The following FAM184B variants were observed in gnomAD, a reference collection of about 807,000 sequenced individuals.
FAM184B encodes the protein family with sequence similarity 184 member B.
FAM184B carries 111 observed loss-of-function variants against 135.9 expected under a neutral mutation model. The ratio of observed to expected loss-of-function variants is 0.82; its 90% CI spans 0.70 to 0.96. The LOEUF (loss-of-function observed/expected upper bound fraction) is 0.96. Among genes scored for constraint, FAM184B ranks in the 40% least tolerant of loss-of-function variants. FAM184B has a pLI of 0.00. For synonymous variants in FAM184B, 552 were observed against 524.8 expected, an observed-to-expected ratio of 1.05 and a Z score of -0.71; for missense variants, 1,375 against 1,323.9, an observed-to-expected ratio of 1.04 and a Z score of -0.60.
At chr4:17,703,470 C>T (rs1216332811) in intron 5 of FAM184B, among the ~76,000 whole-genome samples, 1 of 151,058 alleles carries the variant, frequency 6.6e-6, no homozygotes, top group Non-Finnish European at 1.5e-5. Context: ...TGCACTCCAG[C>T]CTGGGCAAGA....
intron 10 of FAM184B, 77 bp downstream of exon 10, chr4:17,658,273 A>G: frequency 7.8e-7 from 1 of 1,282,904 alleles, no homozygotes; most frequent in Non-Finnish European, 1.1e-6. Flanking sequence ...TCATGTAGAA[A>G]AGGGACGGCT....
intron 7 of FAM184B, among the ~76,000 whole-genome samples, chr4:17,680,351 G>C (rs1031629871): frequency 6.6e-6 from 1 of 151,902 alleles, no homozygotes; most frequent in Non-Finnish European, 1.5e-5. Flanking sequence ...ATATATAATA[G>C]TTCTCTCTTG....
At chr4:17,678,378 C>T (rs1487817162) in intron 7 of FAM184B, among the ~76,000 whole-genome samples, 3 of 152,060 alleles carry the variant, frequency 2.0e-5, no homozygotes, top group African/African-American at 4.8e-5. Context: ...ACACCAACAT[C>T]GACCAAGCTG....
chr4:17,764,559 A>G (rs773450352), intron 1 of FAM184B, among the ~76,000 whole-genome samples: 3 of 152,186 alleles, frequency 2.0e-5, no homozygotes, highest in Non-Finnish European at 4.4e-5. Context: ...GCATTAATGG[A>G]GGTTCTAAAG....
intron 11 of FAM184B, among the ~76,000 whole-genome samples, chr4:17,647,994 C>A (rs1715514234): frequency 6.6e-6 from 1 of 152,092 alleles, no homozygotes. Flanking sequence ...GTCCCACCAC[C>A]AACTTTTCTG....
Position 17,652,914 on chromosome 4 carries a change from C to T in FAM184B, c.2107G>A (p.Glu703Lys). The T allele has an allele frequency of 6.4e-7, 1 of 1,551,758 alleles. No homozygotes were observed. Residue 703 changes from glutamate to lysine, a missense_variant, in exon 11 of 18, where the codon GAG (glutamate) becomes AAG (lysine). By Grantham distance (56) the Glu-to-Lys change is moderately conservative (BLOSUM62 1). Coordinates refer to ENST00000265018, the MANE Select transcript of FAM184B (RefSeq NM_015688.2). ...GCCTTTTCCTCCAAGGCCTGGAGCT[C>T]CAGTCGGTGTGTCTGGTGTTGGATC... Reference protein sequence around the residue: ...LQIQHQTHRLELQALEEKARQ... With the variant: ...LQIQHQTHRLKLQALEEKARQ...
chr4:17,766,088 G>A (rs377722378), intron 1 of FAM184B, among the ~76,000 whole-genome samples: 6 of 152,202 alleles, frequency 3.9e-5, no homozygotes, highest in East Asian at 3.8e-4. Flanking sequence ...GCCACAGGAA[G>A]ATTTATTACA....
chr4:17,638,843 A>C (rs1715226583), intron 14 of FAM184B, among the ~76,000 whole-genome samples: 1 of 151,876 alleles, frequency 6.6e-6, no homozygotes, highest in African/African-American at 2.4e-5. Flanking sequence ...TCCCCCCACC[A>C]CACCCCGCCT....
At chr4:17,713,382 C>G (rs577074790) in intron 1 of FAM184B, among the ~76,000 whole-genome samples, 54 of 152,284 alleles carry the variant, frequency 3.5e-4, no homozygotes, top group Non-Finnish European at 5.0e-4. Flanking sequence ...GTGCTGTCTC[C>G]AAAACTCCTC....
rs149661636 is a variant in FAM184B at position 17,694,583 on chromosome 4, A to T, written c.1378-1171T>A. On this transcript the variant is annotated intron_variant, in intron 5 of 17. Coordinates refer to ENST00000265018, the MANE Select transcript of FAM184B (RefSeq NM_015688.2). Reference sequence around the variant, plus strand: ...TTCTGTTCTAGCTTAATTTCTGTGGAAATTGTGCAAGTATCTAGAGGAGTG... The same window carrying T: ...TTCTGTTCTAGCTTAATTTCTGTGGTAATTGTGCAAGTATCTAGAGGAGTG... 4.4e-4 allele frequency among the ~76,000 whole-genome samples: 67 copies of T among 152,114 alleles called. No homozygotes were observed. In the East Asian group the frequency reaches 9.9e-3, roughly 22 times the overall value.
intron 7 of FAM184B, among the ~76,000 whole-genome samples, 157 bp downstream of exon 7, chr4:17,688,267 A>G (rs1716636701): frequency 9.6e-6 from 1 of 103,818 alleles, no homozygotes. Flanking sequence ...CTGTGAATGG[A>G]TTTTGTGGTG....
In FAM184B at chr4:17,636,646, C is replaced by G; in HGVS notation, c.2667-1G>C. Reference sequence around the variant, plus strand: ...TGGCTTCTCTCCGGAATCTTTCAGTCTGTTCCAAGCAGGCATGCAGTCAAG... The same window carrying G: ...TGGCTTCTCTCCGGAATCTTTCAGTGTGTTCCAAGCAGGCATGCAGTCAAG... On this transcript the variant is annotated splice_acceptor_variant, in intron 14 of 17. Transcript: ENST00000265018. LOFTEE classifies it high-confidence loss of function. 1 of 1,545,588 alleles carries G rather than the reference C, an allele frequency of 6.5e-7. No homozygotes were observed. The highest frequency in any genetic ancestry group is 8.7e-7 in the Non-Finnish European group (1 of 1,144,968).
intron 1 of FAM184B, among the ~76,000 whole-genome samples, chr4:17,743,908 G>A (rs1718099518): frequency 6.6e-6 from 1 of 152,184 alleles, no homozygotes; most frequent in African/African-American, 2.4e-5. Flanking sequence ...AAGGACCAAA[G>A]GAAATCGTGG....
intron 8 of FAM184B, among the ~76,000 whole-genome samples, chr4:17,661,782 G>A (rs961850063): frequency 1.3e-5 from 2 of 152,208 alleles, no homozygotes; most frequent in Non-Finnish European, 2.9e-5. Flanking sequence ...AAGAGTGAGA[G>A]GTGGCACCAC....
intron 1 of FAM184B, among the ~76,000 whole-genome samples, chr4:17,765,509 G>C (rs568788943): frequency 2.0e-5 from 3 of 150,978 alleles, no homozygotes; most frequent in Admixed American, 1.3e-4. Flanking sequence ...ACGATCCCTC[G>C]TATTGACAAT....
intron 14 of FAM184B, among the ~76,000 whole-genome samples, chr4:17,638,673 C>T (rs1313138881): frequency 5.9e-5 from 9 of 152,126 alleles, no homozygotes; most frequent in Non-Finnish European, 8.8e-5. Flanking sequence ...CATGAGGGAC[C>T]AGTGGGAATA....
chr4:17,635,232 G>A, intron 15 of FAM184B, 119 bp from the exon 16 acceptor site: 2 of 749,280 alleles, frequency 2.7e-6, no homozygotes, highest in East Asian at 5.6e-5. Context: ...GGAAGGGGAA[G>A]TCAGTGGGAA....
intron 10 of FAM184B, among the ~76,000 whole-genome samples, chr4:17,655,796 A>G (rs778170127): frequency 3.3e-5 from 5 of 152,194 alleles, no homozygotes; most frequent in Non-Finnish European, 7.4e-5. Context: ...AGTGAACAAT[A>G]AAAGTGAACC....
intron 7 of FAM184B, among the ~76,000 whole-genome samples, chr4:17,676,606 T>G (rs190470786): frequency 6.6e-6 from 1 of 152,334 alleles, no homozygotes; most frequent in East Asian, 1.9e-4. Context: ...CTTGCTTTAT[T>G]CAATATTTAC....
Sources: gnomAD v4.1 joint callset for allele counts (sites outside exome capture counted in the v4.1 genomes callset) on GRCh38, gnomAD v4.1.1 for gene constraint, MANE v1.5 for transcripts, NCBI Gene and HGNC (gene_info 2026-07-23, HGNC 2026-07-21) for gene names.